ZNF521: variants seen among roughly 807,000 people sequenced by gnomAD.
The protein encoded by ZNF521 is zinc finger protein 521, also known as LYST-interacting protein 3.
A neutral mutation model predicts 105.5 loss-of-function variants in ZNF521; 14 were observed. The observed-to-expected ratio is 0.13, with a 90% CI of 0.09 to 0.21. The LOEUF (loss-of-function observed/expected upper bound fraction) is 0.21. ZNF521 is among the 10% of genes least tolerant of loss of function. ZNF521 has a pLI of 1.00. For synonymous variants in ZNF521, 635 were observed against 606.0 expected, an observed-to-expected ratio of 1.05 and a Z score of -0.70; for missense variants, 1,233 against 1,629.7, an observed-to-expected ratio of 0.76 and a Z score of 4.19.
At chr18:25,063,038 T>A (rs2032950402) in intron 7 of ZNF521, among the ~76,000 whole-genome samples, 1 of 152,192 alleles carries the variant, frequency 6.6e-6, no homozygotes, top group Admixed American at 6.5e-5. Context: ...GCCTCCTTAA[T>A]GTGAGATGGC....
At position 25,340,355 on chromosome 18, in the gene ZNF521, G is replaced by C. The variant is rs190640941; in HGVS notation, c.40+10552C>G. On this transcript the variant is annotated intron_variant, in intron 2 of 7. Transcript: ENST00000361524. ...GTGTGACAGAGTGAGATTCCATCTC[G>C]AAAAAATAATAATAATAAATAAATA... Among the ~76,000 whole-genome samples, 409 of 151,860 alleles carry C rather than the reference G, an allele frequency of 2.7e-3. 2 individuals are homozygous for C. Among genetic ancestry groups the C allele is most frequent in the African/African-American group, 9.5e-3 (392 of 41,452 alleles).
chr18:25,174,558 G>A (rs2035502889), intron 5 of ZNF521, among the ~76,000 whole-genome samples: 1 of 152,224 alleles, frequency 6.6e-6, no homozygotes, highest in South Asian at 2.1e-4. Context: ...AGAGAAGCAA[G>A]CTTGGTCTGC....
intron 4 of ZNF521, among the ~76,000 whole-genome samples, chr18:25,214,981 C>T (rs1379330273): frequency 6.6e-6 from 1 of 151,922 alleles, no homozygotes; most frequent in Non-Finnish European, 1.5e-5. Context: ...AAACACTAAC[C>T]AAAATGGGAG....
intron 2 of ZNF521, among the ~76,000 whole-genome samples, chr18:25,349,264 G>T (rs1416137405): frequency 2.0e-5 from 3 of 152,048 alleles, no homozygotes; most frequent in Non-Finnish European, 4.4e-5. Flanking sequence ...AAGTCTCGCC[G>T]GCGCGAGCCT....
At chr18:25,163,208 G>A (rs1474821509) in intron 5 of ZNF521, among the ~76,000 whole-genome samples, 5 of 152,056 alleles carry the variant, frequency 3.3e-5, no homozygotes, top group Non-Finnish European at 7.4e-5. Flanking sequence ...TAATATCAGA[G>A]GAGAAAACTC....
chr18:25,097,921 C>T (rs1307369248), intron 5 of ZNF521, among the ~76,000 whole-genome samples: 2 of 152,116 alleles, frequency 1.3e-5, no homozygotes, highest in African/African-American at 4.8e-5. Flanking sequence ...AGGGCTGGAG[C>T]AGGAAATGAT....
intron 3 of ZNF521, among the ~76,000 whole-genome samples, chr18:25,308,659 CCCA>C (rs1912126172): frequency 1.0e-4 from 15 of 145,088 alleles, no homozygotes; most frequent in Middle Eastern, 3.5e-3. Context: ...TCCCCCCCCC[CCCA>C]CCCGCCACAG....
chr18:25,111,665 T>A (rs769545092), intron 5 of ZNF521, among the ~76,000 whole-genome samples: 73 of 152,160 alleles, frequency 4.8e-4, no homozygotes, highest in Non-Finnish European at 9.7e-4. Context: ...AATGTGATGC[T>A]TTCCTTCTTT....
At chr18:25,177,417 TGA>T (rs1289260781) in intron 5 of ZNF521, among the ~76,000 whole-genome samples, 1 of 152,150 alleles carries the variant, frequency 6.6e-6, no homozygotes, top group Non-Finnish European at 1.5e-5. Flanking sequence ...AAAGAAAACT[TGA>T]GTAGGAAAAA....
chr18:25,316,622 A>G (rs1178959991), intron 3 of ZNF521, among the ~76,000 whole-genome samples: 4 of 152,158 alleles, frequency 2.6e-5, no homozygotes, highest in African/African-American at 4.8e-5. Context: ...ACTGGAGGGC[A>G]ACCTTCAGGC....
intron 5 of ZNF521, among the ~76,000 whole-genome samples, chr18:25,148,002 C>T (rs183791292): frequency 8.5e-5 from 13 of 152,198 alleles, no homozygotes; most frequent in African/African-American, 3.1e-4. Context: ...TTTAACAATT[C>T]CAAGCCAGCA....
intron 3 of ZNF521, among the ~76,000 whole-genome samples, chr18:25,272,987 G>A (rs1451921500): frequency 6.6e-6 from 1 of 151,850 alleles, no homozygotes; most frequent in Non-Finnish European, 1.5e-5. Context: ...AGCACTTTGG[G>A]AGGCAGAAGC....
At position 25,089,505 on chromosome 18, in the gene ZNF521, G is replaced by A. The variant is rs776093386; in HGVS notation, c.3866C>T (p.Thr1289Ile). Residue 1289 changes from threonine to isoleucine, a missense_variant, in exon 7 of 8, where the codon ACA (threonine) becomes ATA (isoleucine). Transcript: ENST00000361524. ...HGQEDKIYDC[T>I]QCPQKFFFQT... ...GAAGAAAAACTTCTGTGGACATTGT[G>A]TACAGTCATAGATCTTGTCTTCTTG... is the stretch of plus-strand genomic sequence containing the variant. 1.1e-5 allele frequency: 18 copies of A among 1,614,146 alleles called. No homozygotes were observed. Among genetic ancestry groups the A allele is most frequent in the Non-Finnish European group, 1.5e-5 (18 of 1,180,028 alleles).
chr18:25,101,262 G>A (rs2033960557), intron 5 of ZNF521, among the ~76,000 whole-genome samples: 1 of 152,020 alleles, frequency 6.6e-6, no homozygotes, highest in South Asian at 2.1e-4. Flanking sequence ...TGAAAATATA[G>A]TACTCACGGG....
rs560588769 is a variant in ZNF521, at chr18:25,213,010, A to G, written c.3573+11335T>C. 8.6e-4 allele frequency among the ~76,000 whole-genome samples: 131 copies of G among 151,578 alleles called. 1 individual carries two copies. Among genetic ancestry groups the G allele is most frequent in the Non-Finnish European group, 1.1e-3 (73 of 67,798 alleles). ...ATGACATTATAATCTGTATATTTTC[A>G]ATTTTTGTGCTACTTTTTTCTAATA... On this transcript the variant is annotated intron_variant, in intron 4 of 7. Transcript: ENST00000361524.
Position 25,227,790 on chromosome 18 carries a change from C to T in ZNF521, c.221-93G>A, listed in dbSNP as rs1906271881. On this transcript the variant is annotated intron_variant, in intron 3 of 7. Transcript: ENST00000361524. The surrounding 1 kb of genome is among the most constrained non-coding windows in gnomAD (Gnocchi z 5.7). The stretch of plus-strand genomic sequence containing the variant: ...TTTCAACCAGCACGCAGAGTTGGGC[C>T]CTCTTGAATCTTTCAAGAAAAAACA... The T allele has an allele frequency of 4.8e-6, 5 of 1,038,482 alleles. No individual in the cohort carries two copies. The highest frequency in any genetic ancestry group is 6.9e-6 in the Non-Finnish European group (5 of 729,640). 64.3% of individuals were successfully genotyped at this position (1,038,482 alleles called of 1,614,324 possible).
chr18:25,107,164 T>C (rs12965512), intron 5 of ZNF521, among the ~76,000 whole-genome samples: 69,889 of 152,090 alleles, frequency 0.46, 16,452 homozygotes, highest in South Asian at 0.66. Flanking sequence ...ATCTATTAAA[T>C]GGGAATATCA....
intron 3 of ZNF521, among the ~76,000 whole-genome samples, chr18:25,317,546 A>G (rs1912707215): frequency 6.6e-6 from 1 of 152,200 alleles, no homozygotes; most frequent in South Asian, 2.1e-4. Flanking sequence ...TTGCTAGATG[A>G]ATATACACTG....
chr18:25,235,495 G>A lies in ZNF521; in HGVS notation c.221-7798C>T, dbSNP rs190004430. Among the ~76,000 whole-genome samples, 1,361 of 152,244 alleles carry A rather than the reference G, an allele frequency of 8.9e-3. 24 individuals carry two copies. The highest frequency in any genetic ancestry group is 0.031 in the African/African-American group (1,282 of 41,542). The stretch of plus-strand genomic sequence containing the variant: ...CCACGTTAATGGTTTTGGAAGAACT[G>A]CCATAAACCACCAGAATTTTCAAAA... On this transcript the variant is annotated intron_variant, in intron 3 of 7. Coordinates refer to ENST00000361524, the MANE Select transcript of ZNF521 (RefSeq NM_015461.3).
Sources: allele counts gnomAD v4.1 joint callset (sites outside exome capture counted in the v4.1 genomes callset), GRCh38; gene constraint gnomAD v4.1.1; non-coding constraint Gnocchi (gnomAD v3.1); transcripts MANE v1.5; gene names NCBI Gene and HGNC (gene_info 2026-07-23, HGNC 2026-07-21).